SYCP2L: variants seen among roughly 807,000 people sequenced by gnomAD.
SYCP2L encodes synaptonemal complex protein 2 like, also known as synaptonemal complex protein 2-like.
Under a neutral mutation model 125.8 loss-of-function variants are expected in SYCP2L, and 98 were observed. The observed-to-expected ratio is 0.78, with a 90% CI of 0.66 to 0.92. The LOEUF (loss-of-function observed/expected upper bound fraction) is 0.92. Ranked by LOEUF, SYCP2L falls within the 40% of genes least tolerant of loss-of-function variation. SYCP2L has a pLI of 0.00. For missense variants in SYCP2L, 842 were observed against 936.4 expected, an observed-to-expected ratio of 0.90 and a Z score of 1.32; for synonymous variants, 317 against 325.4, an observed-to-expected ratio of 0.97 and a Z score of 0.28.
intron 23 of SYCP2L, among the ~76,000 whole-genome samples, chr6:10,952,351 A>G (rs1334703726): frequency 6.6e-6 from 1 of 152,188 alleles, no homozygotes; most frequent in Admixed American, 6.5e-5. Flanking sequence ...AGTGATTTCC[A>G]TGTCCCTGAA....
At chr6:10,959,869 CA>C (rs201059528) in intron 26 of SYCP2L, among the ~76,000 whole-genome samples, 4,477 of 126,142 alleles carry the variant, frequency 0.035, 199 homozygotes, top group East Asian at 0.23. Context: ...AACTCTGTCT[CA>C]AAAAAAAAAA....
chr6:10,896,685 G>A (rs1367394467), intron 4 of SYCP2L, among the ~76,000 whole-genome samples: 25 of 152,168 alleles, frequency 1.6e-4, no homozygotes, highest in Admixed American at 1.5e-3. Flanking sequence ...TTGGAAGATA[G>A]TAATGGCTTT....
rs769934786 is a variant in SYCP2L, at chr6:10,906,027, C to T, written c.649C>T (p.Leu217Phe). Residue 217 changes from leucine to phenylalanine, a missense_variant, in exon 9 of 30, where the codon CTT (leucine) becomes TTT (phenylalanine). Transcript: ENST00000283141. Reference protein sequence around the residue: ...SEGMCHLMKDLARTLLTVGDY... With the variant: ...SEGMCHLMKDFARTLLTVGDY... The stretch of plus-strand genomic sequence containing the variant: ...TTTATCTAAATGTTTCAGGAAAGAC[C>T]TTGCAAGGACACTCTTGACTGTGGG... 8 of 1,598,996 alleles carry T rather than the reference C, an allele frequency of 5.0e-6. No homozygotes were observed. The highest frequency in any genetic ancestry group is 6.0e-6 in the Non-Finnish European group (7 of 1,168,582).
chr6:10,904,227 A>AT (rs1374008727), intron 8 of SYCP2L, among the ~76,000 whole-genome samples: 4 of 152,220 alleles, frequency 2.6e-5, no homozygotes, highest in Admixed American at 2.0e-4. Flanking sequence ...ACCCAAAGTC[A>AT]TTGTTGCGTA....
chr6:10,905,990 AG>A, intron 8 of SYCP2L, 29 bp from the exon 9 acceptor site: 1 of 1,535,454 alleles, frequency 6.5e-7, no homozygotes, highest in Non-Finnish European at 9.0e-7. Context: ...TGTTCACTTC[AG>A]TTAAATGTGA....
intron 23 of SYCP2L, among the ~76,000 whole-genome samples, chr6:10,949,430 A>T (rs1781371224): frequency 6.6e-6 from 1 of 152,076 alleles, no homozygotes; most frequent in Non-Finnish European, 1.5e-5. Flanking sequence ...CTTATTGCTA[A>T]TTTTTTGCAA....
intron 10 of SYCP2L, among the ~76,000 whole-genome samples, chr6:10,909,823 C>A (rs1013135589): frequency 7.9e-5 from 12 of 152,160 alleles, no homozygotes; most frequent in African/African-American, 2.7e-4. Flanking sequence ...TAACCTAGGT[C>A]ATCAGTAAGA....
At chr6:10,920,600 T>C (rs1235430044) in intron 14 of SYCP2L, among the ~76,000 whole-genome samples, 1 of 152,220 alleles carries the variant, frequency 6.6e-6, no homozygotes, top group African/African-American at 2.4e-5. Flanking sequence ...AATGTTATAA[T>C]TGCGTTCCTT....
rs182080069 is a variant in SYCP2L at position 10,958,800 on chromosome 6, G to T, written c.2180G>T (p.Arg727Leu). Residue 727 changes from arginine to leucine, a missense_variant, in exon 26 of 30, where the codon CGT becomes CTT. Arg to Leu is a moderately radical substitution (Grantham distance 102). Transcript: ENST00000283141. Reference sequence around the variant, plus strand: ...ATGATTTAGCTTAGGTACAGAAAGCGTCCGTTTAATTCAGAAAATGCAAAG... The same window carrying T: ...ATGATTTAGCTTAGGTACAGAAAGCTTCCGTTTAATTCAGAAAATGCAAAG... ...KRKYELRYRK[R>L]PFNSENAKKA... is the part of the protein sequence containing the mutation. 7.9e-5 allele frequency: 127 copies of T among 1,613,372 alleles called. No individual in the cohort carries two copies. The highest frequency in any genetic ancestry group is 1.1e-4 in the Non-Finnish European group (125 of 1,179,772).
At chr6:10,898,380 G>T (rs1201575875) in intron 5 of SYCP2L, among the ~76,000 whole-genome samples, 1 of 152,080 alleles carries the variant, frequency 6.6e-6, no homozygotes, top group African/African-American at 2.4e-5. Flanking sequence ...GGGCGTGGTG[G>T]TGGGCGCCTG....
At chr6:10,961,918 G>A (rs1252946503) in intron 28 of SYCP2L, among the ~76,000 whole-genome samples, 1 of 152,124 alleles carries the variant, frequency 6.6e-6, no homozygotes, top group East Asian at 1.9e-4. Context: ...ATACAAAATT[G>A]TGCTTTTGAT....
chr6:10,929,222 C>T (rs1000778905), intron 18 of SYCP2L, among the ~76,000 whole-genome samples: 2 of 152,198 alleles, frequency 1.3e-5, no homozygotes, highest in African/African-American at 4.8e-5. Context: ...TTTCATTCAA[C>T]TCGGCTTTTC....
At chr6:10,961,196 A>T in intron 26 of SYCP2L, 109 bp from the exon 27 acceptor site, 1 of 830,920 alleles carries the variant, frequency 1.2e-6, no homozygotes, top group Non-Finnish European at 1.9e-6. Flanking sequence ...ATGACAAGAA[A>T]TGTCTGGAGA....
chr6:10,893,532 GTGT>G (rs1780209104), intron 2 of SYCP2L, among the ~76,000 whole-genome samples: 1 of 152,136 alleles, frequency 6.6e-6, no homozygotes, highest in Non-Finnish European at 1.5e-5. Flanking sequence ...TGAAACTGAA[GTGT>G]TGTTTTCCTT....
intron 14 of SYCP2L, among the ~76,000 whole-genome samples, chr6:10,920,978 G>T (rs1004247166): frequency 2.6e-5 from 4 of 152,162 alleles, no homozygotes; most frequent in African/African-American, 9.7e-5. Flanking sequence ...TTGCTGCACA[G>T]ATCATCCCAT....
At chr6:10,891,808 C>A (rs1780180296) in intron 2 of SYCP2L, among the ~76,000 whole-genome samples, 1 of 152,078 alleles carries the variant, frequency 6.6e-6, no homozygotes, top group South Asian at 2.1e-4. Context: ...ATTACTATAT[C>A]TAGTCAATTT....
chr6:10,963,789 T>A lies in SYCP2L; in HGVS notation c.2422T>A (p.Ser808Thr), dbSNP rs530917287. The change falls in exon 29 of 30, where the codon TCA becomes ACA. Residue 808 changes from serine (S) to threonine (T), a missense_variant. By Grantham distance (58) the Ser-to-Thr change is moderately conservative. Transcript: ENST00000283141. Reference sequence around the variant, plus strand: ...TGGACCAATTTCTTCCAGGTTCAATTCAACTCAGACTTCATAAGAAAGCCA... The same window carrying A: ...TGGACCAATTTCTTCCAGGTTCAATACAACTCAGACTTCATAAGAAAGCCA... ...FCDLQVLRFN[S>T]TQTS 1 of 1,613,872 alleles carries A rather than the reference T, an allele frequency of 6.2e-7. No individual in the cohort carries two copies. Among genetic ancestry groups the A allele is most frequent in the Admixed American group, 1.7e-5 (1 of 60,006 alleles).
chr6:10,950,566 TAC>T (rs1160722759), intron 23 of SYCP2L, among the ~76,000 whole-genome samples: 1 of 152,178 alleles, frequency 6.6e-6, no homozygotes, highest in Non-Finnish European at 1.5e-5. Context: ...TTTTAGAAAA[TAC>T]AGTCTAAGGT....
chr6:10,966,434 T>A (rs1347400942), intron 29 of SYCP2L, among the ~76,000 whole-genome samples: 1 of 152,218 alleles, frequency 6.6e-6, no homozygotes, highest in Non-Finnish European at 1.5e-5. Flanking sequence ...AAAGCCAGTA[T>A]TCTGCTTAAT....
Sources: gnomAD v4.1 joint callset for allele counts (sites outside exome capture counted in the v4.1 genomes callset) on GRCh38, gnomAD v4.1.1 for gene constraint, MANE v1.5 for transcripts, NCBI Gene and HGNC (gene_info 2026-07-23, HGNC 2026-07-21) for gene names.